PTPN4: variants seen among roughly 807,000 people sequenced by gnomAD.
The protein encoded by PTPN4 is protein tyrosine phosphatase non-receptor type 4.
In PTPN4, 49 loss-of-function variants were observed where a neutral mutation model predicts 135.5. The ratio of observed to expected loss-of-function variants is 0.36; its 90% CI spans 0.29 to 0.46. PTPN4 has a LOEUF of 0.46. Among genes scored for constraint, PTPN4 ranks in the 20% least tolerant of loss-of-function variants. The pLI is 1.00. For synonymous variants in PTPN4, 333 were observed against 369.9 expected, an observed-to-expected ratio of 0.90 and a Z score of 1.14; for missense variants, 860 against 1,101.0, an observed-to-expected ratio of 0.78 and a Z score of 3.10.
At chr2:119,810,995 T>C (rs1195814364) in intron 2 of PTPN4, among the ~76,000 whole-genome samples, 1 of 152,150 alleles carries the variant, frequency 6.6e-6, no homozygotes, top group Admixed American at 6.6e-5. Context: ...TTTTTCAGGA[T>C]GTTTTCTGCT....
intron 2 of PTPN4, among the ~76,000 whole-genome samples, chr2:119,821,576 T>C (rs1433396267): frequency 6.6e-6 from 1 of 152,218 alleles, no homozygotes; most frequent in Non-Finnish European, 1.5e-5. Context: ...TTTGCAATTA[T>C]TTAATTTTTT....
At chr2:119,906,097 G>A (rs968322224) in intron 10 of PTPN4, among the ~76,000 whole-genome samples, 7 of 152,132 alleles carry the variant, frequency 4.6e-5, no homozygotes, top group East Asian at 1.9e-4. Context: ...CGAAGAAAAA[G>A]CAATAAAGAT....
At position 119,957,181 on chromosome 2, in the gene PTPN4, C is replaced by T. The variant is rs190052671; in HGVS notation, c.2133+104C>T. 2.0e-4 allele frequency: 206 copies of T among 1,045,750 alleles called. No individual in the cohort carries two copies. The East Asian group carries it at 4.1e-3, about 21-fold the overall frequency. The allele number at this position is 1,045,750 out of a possible 1,614,324, so 64.8% of individuals were successfully genotyped here. On this transcript the variant is annotated intron_variant, in intron 22 of 26. Transcript: ENST00000263708. ...TCCTGACCTGGATAGAATATTAAAACTTTCAGCTATGAAAAATATTATTGA... is the reference window on the plus strand; with the variant it reads ...TCCTGACCTGGATAGAATATTAAAATTTTCAGCTATGAAAAATATTATTGA...
In PTPN4 at chr2:119,873,116, C is replaced by T. The variant is rs186015579; in HGVS notation, c.247-4207C>T. On this transcript the variant is annotated intron_variant, in intron 3 of 26. Transcript: ENST00000263708. ...ACTGAACCTCAACCTCCTAGCCTCC[C>T]GAGTAACCAGGACTATAGGCATGCA... Among the ~76,000 whole-genome samples, 97 of 151,948 alleles carry T rather than the reference C, an allele frequency of 6.4e-4. No homozygotes were observed. The East Asian group carries it at 0.013, about 20-fold the overall frequency.
chr2:119,807,421 A>G (rs1225007397), intron 1 of PTPN4, among the ~76,000 whole-genome samples: 1 of 152,204 alleles, frequency 6.6e-6, no homozygotes, highest in Non-Finnish European at 1.5e-5. Flanking sequence ...CAGAAATACA[A>G]ACTACCATCA....
chr2:119,889,704 TG>T (rs1260385161), intron 9 of PTPN4, among the ~76,000 whole-genome samples: 2 of 152,202 alleles, frequency 1.3e-5, no homozygotes, highest in African/African-American at 4.8e-5. Context: ...TGAGATGCAT[TG>T]TTAGACTGTT....
chr2:119,921,971 G>A (rs948738379), intron 12 of PTPN4, among the ~76,000 whole-genome samples: 4 of 151,818 alleles, frequency 2.6e-5, no homozygotes, highest in Non-Finnish European at 5.9e-5. Flanking sequence ...ATTTAATTTA[G>A]GTACAAAGAA....
intron 2 of PTPN4, among the ~76,000 whole-genome samples, chr2:119,821,301 C>T (rs1677065350): frequency 6.6e-6 from 1 of 151,806 alleles, no homozygotes; most frequent in Non-Finnish European, 1.5e-5. Context: ...CCATGTTGGC[C>T]AGGATGGTTT....
At chr2:119,818,734 G>A (rs1415697427) in intron 2 of PTPN4, among the ~76,000 whole-genome samples, 1 of 152,174 alleles carries the variant, frequency 6.6e-6, no homozygotes, top group Admixed American at 6.5e-5. Context: ...TATTATGGCA[G>A]GCAGTTAAAT....
intron 26 of PTPN4, among the ~76,000 whole-genome samples, chr2:119,972,127 C>T (rs1169633703): frequency 2.0e-5 from 3 of 151,536 alleles, no homozygotes; most frequent in Non-Finnish European, 4.4e-5. Flanking sequence ...TTCTATGCCC[C>T]TTGCATTTTC....
rs371246423 is a variant in PTPN4, at chr2:119,769,664, A to G, written c.-18+9280A>G. ...CTCAGGTCATGGAAGAATAGGGGAC[A>G]GCATCAAGAAAAATACCTTTGCGTT... is the stretch of plus-strand genomic sequence containing the variant. On this transcript the variant is annotated intron_variant, in intron 1 of 26. Transcript: ENST00000263708. Among the ~76,000 whole-genome samples, 24 of 152,372 alleles carry G rather than the reference A, an allele frequency of 1.6e-4. 1 individual carries two copies. In the East Asian group the frequency reaches 3.3e-3, roughly 21 times the overall value.
At chr2:119,900,612 G>A (rs1242705886) in intron 9 of PTPN4, 106 bp from the exon 10 acceptor site, 1 of 619,202 alleles carries the variant, frequency 1.6e-6, no homozygotes, top group Non-Finnish European at 2.6e-6. Flanking sequence ...TGCAACCTTT[G>A]AAAATGCAAT....
intron 2 of PTPN4, among the ~76,000 whole-genome samples, chr2:119,844,340 G>A (rs1184482121): frequency 8.2e-5 from 4 of 48,956 alleles, no homozygotes; most frequent in South Asian, 8.2e-4. Flanking sequence ...CTGGCCGGGC[G>A]GGGGGCTGAC....
Position 119,803,343 on chromosome 2 carries a change from A to C in PTPN4, c.-17-6494A>C, listed in dbSNP as rs565180354. Among the ~76,000 whole-genome samples the C allele has an allele frequency of 1.2e-4, 18 of 152,296 alleles. No homozygotes were observed. The East Asian group carries it at 2.3e-3, about 20-fold the overall frequency. ...GTAGATTTCTGTCAGCACTGCTTAAATCATATCTCACAAATTTTGATATGT... is the reference window on the plus strand; with the variant it reads ...GTAGATTTCTGTCAGCACTGCTTAACTCATATCTCACAAATTTTGATATGT... On this transcript the variant is annotated intron_variant, in intron 1 of 26. Transcript: ENST00000263708.
At chr2:119,803,704 C>T (rs1016854236) in intron 1 of PTPN4, among the ~76,000 whole-genome samples, 2 of 152,230 alleles carry the variant, frequency 1.3e-5, no homozygotes, top group East Asian at 3.9e-4. Flanking sequence ...CTCTTATATT[C>T]TTGCTAATTT....
rs562527325 is a variant in PTPN4 at position 119,909,195 on chromosome 2, T to G, written c.765-5984T>G. ...TCAATGTAGATGAAACAGCCTTCTA[T>G]TGGAAGAAGATGCCATCTAAGACTA... On this transcript the variant is annotated intron_variant, in intron 10 of 26. Transcript: ENST00000263708. Among the ~76,000 whole-genome samples, 7 of 152,318 alleles carry G rather than the reference T, an allele frequency of 4.6e-5. No individual in the cohort carries two copies. The East Asian group carries it at 1.3e-3, about 29-fold the overall frequency.
chr2:119,777,914 TCAAAG>T (rs1407109896), intron 1 of PTPN4, among the ~76,000 whole-genome samples: 1 of 151,980 alleles, frequency 6.6e-6, no homozygotes, highest in Non-Finnish European at 1.5e-5. Flanking sequence ...TCTCAGCCTC[TCAAAG>T]TGCTGGGATT....
rs575162158 is a variant in PTPN4, at chr2:119,968,086, G to C, written c.2694+114G>C. The C allele has an allele frequency of 2.2e-5, 20 of 926,138 alleles. No homozygotes were observed. The South Asian group carries it at 5.9e-4, about 27-fold the overall frequency. The allele number at this position is 926,138 out of a possible 1,614,324, so 57.4% of individuals were successfully genotyped here. On this transcript the variant is annotated intron_variant, in intron 26 of 26. Transcript: ENST00000263708. ...TTTTATCTTTTCAATTCCTTGCCAT[G>C]GTCAAATAACCTCTAGCACAGGGGT...
chr2:119,880,832 A>G (rs1263402734), intron 5 of PTPN4, among the ~76,000 whole-genome samples: 2 of 152,026 alleles, frequency 1.3e-5, no homozygotes, highest in African/African-American at 4.8e-5. Context: ...GGATGTTTGT[A>G]TTCTTTTTTT....
Sources: gnomAD v4.1 joint callset for allele counts (sites outside exome capture counted in the v4.1 genomes callset) on GRCh38, gnomAD v4.1.1 for gene constraint, MANE v1.5 for transcripts, NCBI Gene and HGNC (gene_info 2026-07-23, HGNC 2026-07-21) for gene names.